The following NRG1 variants were observed in gnomAD, a reference collection of about 807,000 sequenced individuals.
The protein encoded by NRG1 is pro-neuregulin-1, membrane-bound isoform.
NRG1 carries 18 observed loss-of-function variants against 63.8 expected under a neutral mutation model. The ratio of observed to expected loss-of-function variants is 0.28; its 90% CI spans 0.19 to 0.42. NRG1 has a LOEUF of 0.42. Ranked by LOEUF, NRG1 falls within the 10% of genes least tolerant of loss-of-function variation. The pLI is 1.00. For missense variants in NRG1, 762 were observed against 814.7 expected (o/e 0.94, Z 0.79); for synonymous variants, 302 against 301.3 (o/e 1.00, Z -0.02).
rs117509211 is a variant in NRG1 at position 31,660,233 on chromosome 8, G to A, written c.37+20802G>A. On this transcript the variant is annotated intron_variant, in intron 1 of 10. Transcript: ENST00000519301. ...TGCTTCTGGCAAGCTATGATTGATT[G>A]CTGTTCTGTGGGATATGGAGAAGTT... 9.3e-3 allele frequency among the ~76,000 whole-genome samples: 1,420 copies of A among 152,244 alleles called. 45 individuals are homozygous for A. The South Asian group carries it at 0.12, about 13-fold the overall frequency.
chr8:31,693,634 G>T (rs12681336), intron 1 of NRG1, among the ~76,000 whole-genome samples: 140,901 of 152,244 alleles, frequency 0.93, 66,228 homozygotes, highest in East Asian at 1. Flanking sequence ...GGGCAGGGAC[G>T]GCTTTCCTGT....
In NRG1 at chr8:32,249,819, T is replaced by C. The variant is rs139588356; in HGVS notation, c.38-346009T>C. Among the ~76,000 whole-genome samples, 418 of 152,204 alleles carry C rather than the reference T, an allele frequency of 2.7e-3. 4 individuals carry two copies. Among genetic ancestry groups the C allele is most frequent in the African/African-American group, 9.6e-3 (400 of 41,530 alleles). ...CCAAACTATCAAATACAGGATGCAC[T>C]AGGTCATTAAAGAGAAGATTTTATT... is the stretch of plus-strand genomic sequence containing the variant. On this transcript the variant is annotated intron_variant, in intron 1 of 10. Coordinates refer to the NRG1 transcript ENST00000519301.
chr8:31,662,920 A>G (rs557807960), intron 1 of NRG1, among the ~76,000 whole-genome samples: 1 of 152,278 alleles, frequency 6.6e-6, no homozygotes, highest in South Asian at 2.1e-4. Flanking sequence ...ATTTAGTCCT[A>G]TGATTGACCC....
At chr8:32,092,473 A>G (rs1259727717) in intron 1 of NRG1, among the ~76,000 whole-genome samples, 2 of 151,390 alleles carry the variant, frequency 1.3e-5, no homozygotes, top group African/African-American at 4.8e-5. Context: ...AAAAAAAAAA[A>G]AAAAAAGAAA....
chr8:32,770,403 C>A (rs1016524594), downstream of NRG1, among the ~76,000 whole-genome samples: 1 of 152,164 alleles, frequency 6.6e-6, no homozygotes, highest in Non-Finnish European at 1.5e-5. Flanking sequence ...GGTTTTCTGA[C>A]TGCAAATCCA....
At chr8:32,138,822 C>T (rs773692355) in intron 1 of NRG1, among the ~76,000 whole-genome samples, 1 of 152,066 alleles carries the variant, frequency 6.6e-6, no homozygotes, top group Non-Finnish European at 1.5e-5. Context: ...AGTGATCCAC[C>T]CACCTCGGCC....
chr8:31,931,731 A>G (rs1306672995), intron 1 of NRG1, among the ~76,000 whole-genome samples: 1 of 152,202 alleles, frequency 6.6e-6, no homozygotes, highest in South Asian at 2.1e-4. Flanking sequence ...CCAGAAAGGC[A>G]GTGCAGAGGA....
chr8:32,189,295 C>T (rs1842260142), intron 1 of NRG1, among the ~76,000 whole-genome samples: 1 of 152,048 alleles, frequency 6.6e-6, no homozygotes, highest in South Asian at 2.1e-4. Context: ...CATGTGTATC[C>T]AATGTTTAGC....
chr8:31,775,038 C>A (rs1217881037), intron 1 of NRG1, among the ~76,000 whole-genome samples: 1 of 152,062 alleles, frequency 6.6e-6, no homozygotes, highest in Non-Finnish European at 1.5e-5. Context: ...GTGGAGATTT[C>A]TCAAAGAGCC....
intron 1 of NRG1, among the ~76,000 whole-genome samples, chr8:31,960,949 A>G (rs1025157039): frequency 3.3e-5 from 5 of 152,180 alleles, no homozygotes; most frequent in Non-Finnish European, 7.3e-5. Flanking sequence ...TGCTTTAGCG[A>G]TTTCAATTTA....
At chr8:32,458,852 A>C (rs974242748) in intron 1 of NRG1, among the ~76,000 whole-genome samples, 2 of 152,194 alleles carry the variant, frequency 1.3e-5, no homozygotes, top group African/African-American at 4.8e-5. Context: ...CAGATCTTAT[A>C]GTAGGCAAAA....
intron 1 of NRG1, among the ~76,000 whole-genome samples, chr8:31,908,455 G>C (rs1447953414): frequency 6.6e-6 from 1 of 152,182 alleles, no homozygotes; most frequent in Admixed American, 6.6e-5. Flanking sequence ...TTTGTGGGTA[G>C]AAGGGGCCTT....
At chr8:32,284,485 G>GCCTTCCTTCCTTCCTTCCTT (rs1420268466) in intron 1 of NRG1, among the ~76,000 whole-genome samples, 1 of 116,046 alleles carries the variant, frequency 8.6e-6, no homozygotes, top group African/African-American at 3.4e-5. Context: ...CTCCCTGCCT[G>GCCTTCCTTCCTTCCTTCCTT]CCTGCCTTCC....
chr8:32,705,494 G>A, intron 5 of NRG1, among the ~76,000 whole-genome samples: 1 of 152,150 alleles, frequency 6.6e-6, no homozygotes, highest in East Asian at 1.9e-4. Flanking sequence ...GTGGCAAAAT[G>A]TTTGCTTTAG....
At position 31,640,070 on chromosome 8, in the gene NRG1, CGCTGCCGCT is replaced by C. The variant is rs1363062551; in HGVS notation, c.37+646_37+654del. Reference sequence around the variant, plus strand: ...GGCTCCGCCGCCCGCTCGTCGCCGCCGCTGCCGCTGCTGCCACTACTGCTGCTGCTGGGG... The same window carrying C: ...GGCTCCGCCGCCCGCTCGTCGCCGCCGCTGCCACTACTGCTGCTGCTGGGG... On this transcript the variant is annotated intron_variant, in intron 1 of 10. Coordinates refer to the NRG1 transcript ENST00000519301. This position sits in a 1 kb window ranked among gnomAD's most constrained non-coding sequence, Gnocchi z 6.3. 8.8e-7 allele frequency: 1 copy of C among 1,135,940 alleles called. No individual in the cohort carries two copies. The highest frequency in any genetic ancestry group is 4.3e-5 in the South Asian group (1 of 23,510). 70.4% of individuals were successfully genotyped at this position (1,135,940 alleles called of 1,614,324 possible).
rs947895825 is a variant in NRG1, at chr8:31,918,693, G to T, written c.37+279262G>T. 1.4e-4 allele frequency among the ~76,000 whole-genome samples: 21 copies of T among 152,278 alleles called. 1 individual carries two copies. The highest frequency in any genetic ancestry group is 2.5e-4 in the Non-Finnish European group (17 of 68,022). ...TTGTTTGTGTCTCTGTCCGGCTTTG[G>T]TATCAGGATGATGTTGGCCTCATAA... On this transcript the variant is annotated intron_variant, in intron 1 of 10. Coordinates refer to the NRG1 transcript ENST00000519301.
At chr8:32,039,760 T>A (rs113756826) in intron 1 of NRG1, among the ~76,000 whole-genome samples, 1 of 152,114 alleles carries the variant, frequency 6.6e-6, no homozygotes, top group Non-Finnish European at 1.5e-5. Flanking sequence ...GGTTCATGCC[T>A]GTTATTCCAG....
intron 1 of NRG1, among the ~76,000 whole-genome samples, chr8:32,594,444 A>G (rs1488174081): frequency 6.6e-6 from 1 of 152,180 alleles, no homozygotes; most frequent in Non-Finnish European, 1.5e-5. Flanking sequence ...TGTGAGAGGA[A>G]AATTTATTCA....
At chr8:31,797,581 A>AC (rs1275840314) in intron 1 of NRG1, among the ~76,000 whole-genome samples, 4 of 152,248 alleles carry the variant, frequency 2.6e-5, no homozygotes, top group Non-Finnish European at 5.9e-5. Flanking sequence ...AAATAGAACT[A>AC]CCATATGATC....
Sources: allele counts gnomAD v4.1 joint callset (sites outside exome capture counted in the v4.1 genomes callset), GRCh38; gene constraint gnomAD v4.1.1; non-coding constraint Gnocchi (gnomAD v3.1); transcripts MANE v1.5; gene names NCBI Gene and HGNC (gene_info 2026-07-23, HGNC 2026-07-21).